The following FANCM variants were observed in gnomAD, a reference collection of about 807,000 sequenced individuals.
The protein encoded by FANCM is FA complementation group M.
A neutral mutation model predicts 199.5 loss-of-function variants in FANCM; 140 were observed. The ratio of observed to expected loss-of-function variants is 0.70; its 90% CI spans 0.61 to 0.81. The LOEUF (loss-of-function observed/expected upper bound fraction) is 0.81. Ranked by LOEUF, FANCM falls within the 30% of genes least tolerant of loss-of-function variation. The pLI is 0.00. For synonymous variants in FANCM, 840 were observed against 836.8 expected (o/e 1.00, Z -0.07); for missense variants, 2,410 against 2,421.4 (o/e 1.00, Z 0.10).
intron 8 of FANCM, among the ~76,000 whole-genome samples, 158 bp downstream of exon 8, chr14:45,155,617 G>A (rs1376478204): frequency 6.6e-6 from 1 of 152,116 alleles, no homozygotes; most frequent in Non-Finnish European, 1.5e-5. Flanking sequence ...TGACCAACAT[G>A]GTAAAACCCC....
At chr14:45,161,086 A>AC (rs1887572245) in intron 9 of FANCM, among the ~76,000 whole-genome samples, 1 of 152,156 alleles carries the variant, frequency 6.6e-6, no homozygotes, top group Admixed American at 6.5e-5. Flanking sequence ...TACCTGCAGT[A>AC]CCCAATCCGA....
intron 5 of FANCM, 115 bp from the exon 6 acceptor site, chr14:45,153,805 T>C (rs1322219338): frequency 4.8e-6 from 4 of 841,676 alleles, no homozygotes; most frequent in Non-Finnish European, 8.3e-6. Context: ...ATGATGATTA[T>C]GATCATTTGG....
intron 20 of FANCM, among the ~76,000 whole-genome samples, chr14:45,192,944 G>A (rs1397567973): frequency 6.6e-6 from 1 of 152,200 alleles, no homozygotes; most frequent in African/African-American, 2.4e-5. Context: ...GGAATTTATA[G>A]CCACTCATGG....
chr14:45,199,426 T>A (rs918318391), intron 22 of FANCM, among the ~76,000 whole-genome samples: 7 of 152,206 alleles, frequency 4.6e-5, no homozygotes, highest in African/African-American at 9.6e-5. Flanking sequence ...AAGTCTGAGA[T>A]CATGGCTGGG....
chr14:45,164,406 C>G lies in FANCM; in HGVS notation c.1629C>G (p.Thr543=), dbSNP rs746525993. The G allele has an allele frequency of 2.5e-6, 4 of 1,613,336 alleles. No individual in the cohort carries two copies. Among genetic ancestry groups the G allele is most frequent in the Non-Finnish European group, 3.4e-6 (4 of 1,179,952 alleles). ...GTGGTTACAACACGCTGGTTTCTAC[C>G]TGTGTGGGTGAAGAAGGTTTGGATA... ...RDGGYNTLVS[T]CVGEEGLDIG... is the part of the protein sequence containing the mutation. Residue 543 remains threonine (T), a synonymous_variant, in exon 10 of 23, where the codon ACC becomes ACG. Coordinates refer to ENST00000267430, the MANE Select transcript of FANCM (RefSeq NM_020937.4).
At chr14:45,196,827 A>G (rs1236571827) in intron 21 of FANCM, among the ~76,000 whole-genome samples, 2 of 152,212 alleles carry the variant, frequency 1.3e-5, no homozygotes, top group African/African-American at 4.8e-5. Context: ...TAAGGCAGCA[A>G]TGGGGAGGAG....
At chr14:45,181,402 A>G (rs769398980) in intron 14 of FANCM, 28 bp from the exon 15 acceptor site, 22 of 1,210,092 alleles carry the variant, frequency 1.8e-5, no homozygotes, top group Non-Finnish European at 2.3e-5. Context: ...TCTATTAACC[A>G]TTCATTATTT....
At chr14:45,166,010 A>G (rs934912748) in intron 10 of FANCM, among the ~76,000 whole-genome samples, 2 of 152,206 alleles carry the variant, frequency 1.3e-5, no homozygotes, top group Admixed American at 6.5e-5. Context: ...ACAACCTTAC[A>G]CTTCTATGTA....
At chr14:45,160,912 G>A (rs892494105) in intron 9 of FANCM, among the ~76,000 whole-genome samples, 6 of 151,972 alleles carry the variant, frequency 3.9e-5, no homozygotes, top group Admixed American at 6.6e-5. Context: ...ATATGGTGGG[G>A]AGTGCCTTCC....
intron 3 of FANCM, among the ~76,000 whole-genome samples, chr14:45,141,791 T>C (rs1885983949): frequency 6.6e-6 from 1 of 151,808 alleles, no homozygotes; most frequent in Non-Finnish European, 1.5e-5. Context: ...GGTTTCACCA[T>C]GTTGGCCAGC....
chr14:45,161,512 C>T (rs570724642), intron 9 of FANCM, among the ~76,000 whole-genome samples: 1 of 152,152 alleles, frequency 6.6e-6, no homozygotes, highest in Non-Finnish European at 1.5e-5. Context: ...GACACTGTGG[C>T]TCATGACTGT....
intron 20 of FANCM, among the ~76,000 whole-genome samples, chr14:45,191,219 G>A (rs1164136294): frequency 6.6e-6 from 1 of 152,128 alleles, no homozygotes; most frequent in East Asian, 1.9e-4. Context: ...AGACTTATTT[G>A]TATGAATGTG....
intron 11 of FANCM, chr14:45,167,396 C>A: frequency 2.0e-6 from 1 of 497,812 alleles, no homozygotes; most frequent in Non-Finnish European, 3.6e-6. Context: ...ACCCTACCAA[C>A]CCAGAGAATG....
chr14:45,182,247 G>A (rs1026405205), intron 16 of FANCM, among the ~76,000 whole-genome samples: 4 of 151,974 alleles, frequency 2.6e-5, no homozygotes, highest in African/African-American at 9.7e-5. Context: ...AGAAGGCATT[G>A]TTTACAGAAT....
chr14:45,166,924 C>T (rs1566751683), intron 10 of FANCM, 26 bp from the exon 11 acceptor site: 1 of 1,197,410 alleles, frequency 8.4e-7, no homozygotes, highest in East Asian at 2.3e-5. Context: ...GTAATATAAT[C>T]TGACATTTTC....
intron 20 of FANCM, among the ~76,000 whole-genome samples, chr14:45,190,391 T>A (rs1889689719): frequency 6.6e-6 from 1 of 152,220 alleles, no homozygotes; most frequent in Admixed American, 6.5e-5. Context: ...TATGTATACA[T>A]TGTGGAATGG....
chr14:45,200,842 C>T lies in FANCM; in HGVS notation c.*834C>T, dbSNP rs957297765. 2 of 152,232 alleles carry T rather than the reference C, an allele frequency of 1.3e-5. No individual in the cohort carries two copies. Among genetic ancestry groups the T allele is most frequent in the African/African-American group, 2.4e-5 (1 of 41,446 alleles). 9.4% of individuals were successfully genotyped at this position (152,232 alleles called of 1,614,324 possible). A position where few individuals can be genotyped will look rare whatever the true frequency, so the allele number is the denominator to read the frequency against. On this transcript the variant is annotated 3_prime_UTR_variant, in exon 23 of 23. Transcript: ENST00000267430. ...TGATTGTAAGTTCCCGAGGCCTCCC[C>T]AGCCATGCAGGACTGTGAGTCAATT...
chr14:45,155,007 T>TAAACAATGTTTAAACTTCTTC (rs1887080568), intron 7 of FANCM, among the ~76,000 whole-genome samples, 185 bp downstream of exon 7: 1 of 152,206 alleles, frequency 6.6e-6, no homozygotes, highest in Admixed American at 6.5e-5. Flanking sequence ...TTATATGCTT[T>TAAACAATGTTTAAACTTCTTC]AAACAATGTT....
chr14:45,167,037 C>T lies in FANCM; in HGVS notation c.1876C>T (p.Pro626Ser), dbSNP rs1462865463. The change falls in exon 11 of 23, where the codon CCA (proline) becomes TCA (serine). Residue 626 changes from proline (P) to serine (S), a missense_variant. Transcript: ENST00000267430. Reference sequence around the variant, plus strand: ...GGTCCTTCATTTTTACCAAAGAAGTCCACGAATGGTTCCTGATGGAATCAA... The same window carrying T: ...GGTCCTTCATTTTTACCAAAGAAGTTCACGAATGGTTCCTGATGGAATCAA... ...RQVLHFYQRS[P>S]RMVPDGINPK... 1.2e-6 allele frequency: 2 copies of T among 1,611,342 alleles called. No homozygotes were observed. Among genetic ancestry groups the T allele is most frequent in the East Asian group, 2.2e-5 (1 of 44,836 alleles).
Sources: allele counts gnomAD v4.1 joint callset (sites outside exome capture counted in the v4.1 genomes callset), GRCh38; gene constraint gnomAD v4.1.1; transcripts MANE v1.5; gene names NCBI Gene and HGNC (gene_info 2026-07-23, HGNC 2026-07-21).